INPP1: variants seen among roughly 807,000 people sequenced by gnomAD.
INPP1 encodes inositol polyphosphate-1-phosphatase.
Under a neutral mutation model 23.0 loss-of-function variants are expected in INPP1, and 18 were observed. The observed-to-expected ratio is 0.78, with a 90% CI of 0.54 to 1.16. The LOEUF is 1.16. Ranked by LOEUF, INPP1 falls within the 50% of genes most tolerant of loss-of-function variation. INPP1 has a pLI of 0.00. For missense variants in INPP1, 448 were observed against 482.1 expected (o/e 0.93, Z 0.66); for synonymous variants, 164 against 176.3 (o/e 0.93, Z 0.55).
chr2:190,357,690 G>A (rs1689443729), intron 2 of INPP1, among the ~76,000 whole-genome samples: 1 of 152,180 alleles, frequency 6.6e-6, no homozygotes, highest in East Asian at 1.9e-4. Flanking sequence ...CACAGATTGA[G>A]GGAAAACTGG....
chr2:190,351,604 T>C (rs573331649), intron 2 of INPP1, among the ~76,000 whole-genome samples: 1 of 152,370 alleles, frequency 6.6e-6, no homozygotes, highest in Non-Finnish European at 1.5e-5. Flanking sequence ...CTTGACAGCA[T>C]GTTTTTGTGA....
Position 190,371,010 on chromosome 2 carries a change from G to C in INPP1, c.808G>C (p.Glu270Gln). Residue 270 changes from glutamate to glutamine, a missense_variant, in exon 7 of 7, where the codon GAG becomes CAG. Coordinates refer to ENST00000392329, the MANE Select transcript of INPP1 (RefSeq NM_001128928.2). The surrounding 1 kb of genome is among the most constrained non-coding windows in gnomAD (Gnocchi z 5.3). ...FSAVISTSEKETIKAALSRVC... is the reference protein window; with the variant it reads ...FSAVISTSEKQTIKAALSRVC... Reference sequence around the variant, plus strand: ...AGCCGTAATTAGTACAAGTGAAAAGGAGACTATCAAAGCTGCATTGTCACG... The same window carrying C: ...AGCCGTAATTAGTACAAGTGAAAAGCAGACTATCAAAGCTGCATTGTCACG... The C allele has an allele frequency of 1.9e-6, 3 of 1,614,198 alleles. No homozygotes were observed. The highest frequency in any genetic ancestry group is 2.5e-6 in the Non-Finnish European group (3 of 1,180,042).
chr2:190,350,516 A>G (rs994157602), intron 2 of INPP1, among the ~76,000 whole-genome samples: 5 of 152,230 alleles, frequency 3.3e-5, no homozygotes, highest in African/African-American at 1.2e-4. Context: ...ACAGGCTTCC[A>G]TATACAAGCT....
intron 6 of INPP1, among the ~76,000 whole-genome samples, chr2:190,370,483 A>G (rs1258416179): frequency 6.6e-6 from 1 of 152,224 alleles, no homozygotes; most frequent in East Asian, 1.9e-4. Flanking sequence ...GATCAAAAAG[A>G]GATATCACTT....
At position 190,367,051 on chromosome 2, in the gene INPP1, G is replaced by T. The variant is rs1356663501; in HGVS notation, c.466+156G>T. On this transcript the variant is annotated intron_variant, in intron 5 of 6. Transcript: ENST00000392329. This position sits in a 1 kb window ranked among gnomAD's most constrained non-coding sequence, Gnocchi z 4.1. The stretch of plus-strand genomic sequence containing the variant: ...GTTTTAAAACAATGAGAGTTGAGGT[G>T]TATGTGTCATGTGTTCTGTATATAT... 6.6e-6 allele frequency among the ~76,000 whole-genome samples: 1 copy of T among 152,182 alleles called. No homozygotes were observed. The highest frequency in any genetic ancestry group is 1.5e-5 in the Non-Finnish European group (1 of 68,040).
intron 3 of INPP1, among the ~76,000 whole-genome samples, chr2:190,361,985 T>C (rs1689543930): frequency 6.6e-6 from 1 of 152,214 alleles, no homozygotes; most frequent in South Asian, 2.1e-4. Context: ...GCAAAATGCA[T>C]CAGAAAGCTT....
intron 2 of INPP1, 158 bp from the exon 3 acceptor site, chr2:190,359,881 T>C: frequency 2.0e-6 from 1 of 504,044 alleles, no homozygotes; most frequent in Non-Finnish European, 3.6e-6. Context: ...TGTTAGATTG[T>C]ATCTAGAGTC....
chr2:190,345,045 A>C lies in INPP1; in HGVS notation c.-209+1084A>C, dbSNP rs1689189099. 6.6e-6 allele frequency among the ~76,000 whole-genome samples: 1 copy of C among 152,246 alleles called. No homozygotes were observed. The highest frequency in any genetic ancestry group is 2.4e-5 in the African/African-American group (1 of 41,462). On this transcript the variant is annotated intron_variant, in intron 1 of 6. Transcript: ENST00000392329. This position sits in a 1 kb window ranked among gnomAD's most constrained non-coding sequence, Gnocchi z 4.9. ...CTCATTCTTACCTTTTAAAATAGAG[A>C]ACATAAGGGAAAAAATAAAGGCAAT...
At position 190,368,508 on chromosome 2, in the gene INPP1, G is replaced by A. The variant is rs896094765; in HGVS notation, c.467-595G>A. 1 of 152,096 alleles carries A rather than the reference G, an allele frequency of 6.6e-6. No homozygotes were observed. Among genetic ancestry groups the A allele is most frequent in the African/African-American group, 2.4e-5 (1 of 41,402 alleles). The allele number at this position is 152,096 out of a possible 1,614,324, so 9.4% of individuals were successfully genotyped here. On this transcript the variant is annotated intron_variant, in intron 5 of 6. Coordinates refer to ENST00000392329, the MANE Select transcript of INPP1 (RefSeq NM_001128928.2). This position sits in a 1 kb window ranked among gnomAD's most constrained non-coding sequence, Gnocchi z 4.3. ...AAATGTTTGTGGGTACATAATAGGT[G>A]TATATATTTATGGGGTAGATGAGAT...
intron 3 of INPP1, 62 bp downstream of exon 3, chr2:190,360,368 A>G: frequency 6.9e-7 from 1 of 1,449,622 alleles, no homozygotes; most frequent in Non-Finnish European, 9.6e-7. Context: ...TCTCCATCAT[A>G]GAATAGCATG....
chr2:190,359,845 C>T (rs549290949), intron 2 of INPP1, 194 bp from the exon 3 acceptor site: 140 of 359,784 alleles, frequency 3.9e-4, no homozygotes, highest in Admixed American at 1.2e-3. Flanking sequence ...AATTTTTTTT[C>T]AAGATTTAAA....
At position 190,366,722 on chromosome 2, in the gene INPP1, C is replaced by T. The variant is rs762626247; in HGVS notation, c.293C>T (p.Ser98Leu). The T allele has an allele frequency of 1.4e-5, 23 of 1,612,922 alleles. No individual in the cohort carries two copies. The highest frequency in any genetic ancestry group is 1.7e-5 in the Non-Finnish European group (20 of 1,179,108). Residue 98 changes from serine to leucine, a missense_variant, in exon 5 of 7, where the codon TCA becomes TTA. By Grantham distance (145) the Ser-to-Leu change is moderately radical. Coordinates refer to ENST00000392329, the MANE Select transcript of INPP1 (RefSeq NM_001128928.2). ...GAAAAGATTACCTTGAGGTTGTGTT[C>T]AACAGAGGAGGAAACAGCAGAGCTT... ...WGEKITLRLC[S>L]TEEETAELLS...
At position 190,347,258 on chromosome 2, in the gene INPP1, G is replaced by A. The variant is rs559670714; in HGVS notation, c.-208-1630G>A. 3.9e-5 allele frequency among the ~76,000 whole-genome samples: 6 copies of A among 151,914 alleles called. No homozygotes were observed. The South Asian group carries it at 6.2e-4, about 16-fold the overall frequency. On this transcript the variant is annotated intron_variant, in intron 1 of 6. Coordinates refer to ENST00000392329, the MANE Select transcript of INPP1 (RefSeq NM_001128928.2). ...GATCTCCTGACCTCGTGATCCACCCGCCTTGGCCTCCCAAAGTGCTGGGAT... is the reference window on the plus strand; with the variant it reads ...GATCTCCTGACCTCGTGATCCACCCACCTTGGCCTCCCAAAGTGCTGGGAT...
intron 4 of INPP1, among the ~76,000 whole-genome samples, chr2:190,364,696 T>G (rs1403392848): frequency 1.4e-5 from 2 of 141,550 alleles, no homozygotes; most frequent in Non-Finnish European, 3.0e-5. Context: ...ATTCAAGCGA[T>G]TCTCCTGCCT....
Position 190,352,170 on chromosome 2 carries a change from G to A in INPP1, c.-65+3139G>A, listed in dbSNP as rs867178716. On this transcript the variant is annotated intron_variant, in intron 2 of 6. Transcript: ENST00000392329. This position sits in a 1 kb window ranked among gnomAD's most constrained non-coding sequence, Gnocchi z 4.7. ...TGAGAAGGTGAGTGAGCATTAGGTC[G>A]AGAAAGCAGGAAGAAGGGCGTGTCA... Among the ~76,000 whole-genome samples, 4 of 152,154 alleles carry A rather than the reference G, an allele frequency of 2.6e-5. No homozygotes were observed. The highest frequency in any genetic ancestry group is 2.0e-4 in the Admixed American group (3 of 15,264).
At chr2:190,360,783 G>GT (rs10695567) in intron 3 of INPP1, among the ~76,000 whole-genome samples, 42,455 of 149,590 alleles carry the variant, frequency 0.28, 6,528 homozygotes, top group East Asian at 0.5. Context: ...TTTGTAACCT[G>GT]TTTTTTTTTT....
In INPP1 at chr2:190,371,658, G is replaced by A. The variant is rs553622294; in HGVS notation, c.*256G>A. The A allele has an allele frequency of 6.5e-6, 2 of 307,912 alleles. No homozygotes were observed. Among genetic ancestry groups the A allele is most frequent in the South Asian group, 2.6e-4 (2 of 7,712 alleles). The allele number at this position is 307,912 out of a possible 1,614,324, so 19.1% of individuals were successfully genotyped here. ...GCTTGAAACATTTCAATAAAATATT[G>A]ACCAGGAGCAGTGGCTCATGCCTGT... On this transcript the variant is annotated 3_prime_UTR_variant, in exon 7 of 7. Coordinates refer to ENST00000392329, the MANE Select transcript of INPP1 (RefSeq NM_001128928.2). The surrounding 1 kb of genome is among the most constrained non-coding windows in gnomAD (Gnocchi z 5.3).
rs1380089898 is a variant in INPP1 at position 190,368,334 on chromosome 2, T to C, written c.467-769T>C. 6.6e-6 allele frequency among the ~76,000 whole-genome samples: 1 copy of C among 152,300 alleles called. No individual in the cohort carries two copies. Among genetic ancestry groups the C allele is most frequent in the African/African-American group, 2.4e-5 (1 of 41,552 alleles). On this transcript the variant is annotated intron_variant, in intron 5 of 6. Transcript: ENST00000392329. The surrounding 1 kb of genome is among the most constrained non-coding windows in gnomAD (Gnocchi z 4.3). Reference sequence around the variant, plus strand: ...ACCTAGTTTCTCTGCCTCTGTTTCATAGGAGCTCCGTTAATTTCTTTTTTT... The same window carrying C: ...ACCTAGTTTCTCTGCCTCTGTTTCACAGGAGCTCCGTTAATTTCTTTTTTT...
At position 190,371,343 on chromosome 2, in the gene INPP1, C is replaced by G; in HGVS notation, c.1141C>G (p.Leu381Val). 1 of 1,561,680 alleles carries G rather than the reference C, an allele frequency of 6.4e-7. No homozygotes were observed. The highest frequency in any genetic ancestry group is 8.7e-7 in the Non-Finnish European group (1 of 1,153,672). The change falls in exon 7 of 7, where the codon CTG becomes GTG. Residue 381 changes from leucine (L) to valine (V), a missense_variant. Coordinates refer to ENST00000392329, the MANE Select transcript of INPP1 (RefSeq NM_001128928.2). The surrounding 1 kb of genome is among the most constrained non-coding windows in gnomAD (Gnocchi z 5.3). ...CATTGCATACAGATCCAGGAAGCGG[C>G]TGGAGACATTCCTGAGCCTCCTGGT... The part of the protein sequence containing the change: ...GLIAYRSRKR[L>V]ETFLSLLVQN...
Sources: allele counts gnomAD v4.1 joint callset (sites outside exome capture counted in the v4.1 genomes callset), GRCh38; gene constraint gnomAD v4.1.1; non-coding constraint Gnocchi (gnomAD v3.1); transcripts MANE v1.5; gene names NCBI Gene and HGNC (gene_info 2026-07-23, HGNC 2026-07-21).